Variants in NEDD4 observed in about 807,000 individuals in gnomAD.
NEDD4 encodes the protein NEDD4 E3 ubiquitin protein ligase.
NEDD4 carries 99 observed loss-of-function variants against 144.9 expected under a neutral mutation model. The observed-to-expected ratio is 0.68, with a 90% CI of 0.58 to 0.81. NEDD4 has a LOEUF of 0.81. Ranked by LOEUF, NEDD4 falls within the 30% of genes least tolerant of loss-of-function variation. The probability of loss-of-function intolerance (pLI) is 0.00; values close to 1 mark genes in which losing one functional copy is unlikely to be tolerated. For missense variants in NEDD4, 985 were observed against 1,065.9 expected (o/e 0.92, Z 1.06); for synonymous variants, 318 against 350.6 (o/e 0.91, Z 1.04).
intron 1 of NEDD4, among the ~76,000 whole-genome samples, chr15:55,986,558 T>C (rs2037895167): frequency 6.7e-6 from 1 of 148,262 alleles, no homozygotes; most frequent in African/African-American, 2.5e-5. Flanking sequence ...AGAAACATCG[T>C]AGGATGTAAG....
chr15:55,967,330 A>G (rs1415514713), intron 1 of NEDD4, among the ~76,000 whole-genome samples: 2 of 152,222 alleles, frequency 1.3e-5, no homozygotes. Context: ...TTTTATAAAG[A>G]GTGTCTTAGA....
intron 1 of NEDD4, among the ~76,000 whole-genome samples, chr15:55,973,798 T>C (rs2142342649): frequency 6.6e-6 from 1 of 150,742 alleles, no homozygotes; most frequent in East Asian, 2.0e-4. Flanking sequence ...GAGAAGCTTA[T>C]AGCTATAAGT....
At chr15:55,907,190 G>A (rs1378583026) in intron 5 of NEDD4, among the ~76,000 whole-genome samples, 6 of 152,020 alleles carry the variant, frequency 3.9e-5, no homozygotes, top group South Asian at 4.1e-4. Flanking sequence ...GATTAAGGAG[G>A]CAAAGAAACA....
intron 18 of NEDD4, among the ~76,000 whole-genome samples, chr15:55,845,467 T>C (rs567695713): frequency 5.3e-5 from 8 of 152,292 alleles, no homozygotes; most frequent in African/African-American, 1.9e-4. Flanking sequence ...TATGTAAACT[T>C]CTAAGAAGAA....
At chr15:55,979,401 C>T (rs1445770663) in intron 1 of NEDD4, among the ~76,000 whole-genome samples, 1 of 125,394 alleles carries the variant, frequency 8.0e-6, no homozygotes, top group East Asian at 2.5e-4. Flanking sequence ...GGCCGGACTG[C>T]GGACTGCAGT....
chr15:55,980,435 A>G (rs940998905), intron 1 of NEDD4, among the ~76,000 whole-genome samples: 1 of 152,174 alleles, frequency 6.6e-6, no homozygotes, highest in Non-Finnish European at 1.5e-5. Flanking sequence ...CAAGGGAAAA[A>G]AAAATGCTAT....
intron 8 of NEDD4, among the ~76,000 whole-genome samples, chr15:55,868,406 C>T (rs1339394597): frequency 6.6e-6 from 1 of 152,160 alleles, no homozygotes; most frequent in African/African-American, 2.4e-5. Flanking sequence ...ACTCAAATCT[C>T]ATCTTGAATT....
chr15:55,924,713 A>C lies in NEDD4; in HGVS notation c.238-14T>G, dbSNP rs376065121. The C allele has an allele frequency of 1.2e-6, 2 of 1,602,570 alleles. No individual in the cohort carries two copies. Among genetic ancestry groups the C allele is most frequent in the African/African-American group, 2.7e-5 (2 of 74,736 alleles). ...CTGAGGATGAACCTAAGAAAAACAC[A>C]ATCTTTATTTAAAAACAAGTAAACA... On this transcript the variant is annotated splice_polypyrimidine_tract_variant and intron_variant, in intron 4 of 28. Coordinates refer to ENST00000435532, the MANE Select transcript of NEDD4 (RefSeq NM_006154.4).
intron 8 of NEDD4, among the ~76,000 whole-genome samples, chr15:55,867,050 C>G (rs949497181): frequency 6.6e-6 from 1 of 152,176 alleles, no homozygotes; most frequent in Non-Finnish European, 1.5e-5. Context: ...ATACATACAA[C>G]TAACCCTAAA....
intron 6 of NEDD4, among the ~76,000 whole-genome samples, chr15:55,873,652 C>A (rs558391976): frequency 3.3e-5 from 5 of 152,092 alleles, no homozygotes; most frequent in African/African-American, 7.2e-5. Context: ...CTTCTGTGAG[C>A]TTAGGCACTC....
At chr15:55,945,517 A>C (rs1848559710) in intron 4 of NEDD4, among the ~76,000 whole-genome samples, 1 of 152,216 alleles carries the variant, frequency 6.6e-6, no homozygotes, top group Admixed American at 6.5e-5. Flanking sequence ...GACTATGTGA[A>C]AAGACCAACT....
chr15:55,970,870 T>C (rs1173857625), intron 1 of NEDD4, among the ~76,000 whole-genome samples: 2 of 152,200 alleles, frequency 1.3e-5, no homozygotes, highest in Non-Finnish European at 2.9e-5. Flanking sequence ...AACTCTTTAA[T>C]GTTCAGACAT....
At chr15:55,963,242 C>T (rs549853101) in intron 2 of NEDD4, among the ~76,000 whole-genome samples, 2 of 151,832 alleles carry the variant, frequency 1.3e-5, no homozygotes, top group East Asian at 3.9e-4. Flanking sequence ...AGCGATCCTC[C>T]AACCTCAGCC....
intron 12 of NEDD4, among the ~76,000 whole-genome samples, chr15:55,854,790 A>G (rs2034127946): frequency 6.6e-6 from 1 of 152,122 alleles, no homozygotes; most frequent in Non-Finnish European, 1.5e-5. Flanking sequence ...AAAAACCCCA[A>G]TCAATGTATT....
At chr15:55,855,067 T>C (rs940249485) in intron 12 of NEDD4, among the ~76,000 whole-genome samples, 6 of 152,132 alleles carry the variant, frequency 3.9e-5, no homozygotes, top group African/African-American at 1.4e-4. Flanking sequence ...TGATAGTCTT[T>C]CAATGGCATC....
rs1402090531 is a variant in NEDD4, at chr15:55,915,912, G to A, written c.291+8734C>T. 13 of 1,613,822 alleles carry A rather than the reference G, an allele frequency of 8.1e-6. No homozygotes were observed. The highest frequency in any genetic ancestry group is 9.3e-6 in the Non-Finnish European group (11 of 1,179,896). On this transcript the variant is annotated intron_variant, in intron 5 of 28. Transcript: ENST00000435532. ...AGCACTAGTGCCATCCTCATTATGT[G>A]CAATTTCACTAGGAGAAATAATAAA...
intron 5 of NEDD4, chr15:55,916,277 G>C: frequency 6.2e-7 from 1 of 1,614,012 alleles, no homozygotes; most frequent in South Asian, 1.1e-5. Context: ...TGTCACTGAT[G>C]ACACTGTTAG....
intron 18 of NEDD4, among the ~76,000 whole-genome samples, chr15:55,842,771 ACCTGT>A (rs1287013012): frequency 2.0e-5 from 3 of 152,170 alleles, no homozygotes; most frequent in Admixed American, 6.5e-5. Flanking sequence ...CCGTTCTGTG[ACCTGT>A]AGGATAGCCA....
intron 5 of NEDD4, among the ~76,000 whole-genome samples, chr15:55,893,219 T>C (rs1341976567): frequency 2.6e-5 from 4 of 152,128 alleles, no homozygotes; most frequent in Non-Finnish European, 4.4e-5. Context: ...AGTATCTTAA[T>C]CATTGTTAAT....
Sources: gnomAD v4.1 joint callset for allele counts (sites outside exome capture counted in the v4.1 genomes callset) on GRCh38, gnomAD v4.1.1 for gene constraint, MANE v1.5 for transcripts, NCBI Gene and HGNC (gene_info 2026-07-23, HGNC 2026-07-21) for gene names.